NMI: variants seen among roughly 807,000 people sequenced by gnomAD.
NMI encodes the protein N-myc-interactor.
In NMI, 39 loss-of-function variants were observed where a neutral mutation model predicts 34.3. That is an observed-to-expected ratio of 1.14 (90% CI 0.88 to 1.49). NMI has a LOEUF of 1.49. Among genes scored for constraint, NMI ranks in the 40% most tolerant of loss-of-function variants. NMI has a pLI of 0.00. For missense variants in NMI, 339 were observed against 358.1 expected (o/e 0.95, Z 0.43); for synonymous variants, 113 against 120.3 (o/e 0.94, Z 0.40).
At chr2:151,277,352 A>AC (rs1288828064) in intron 4 of NMI, 1 of 152,032 alleles carries the variant, frequency 6.6e-6, no homozygotes, top group Non-Finnish European at 1.5e-5. Context: ...TCTTCCACAA[A>AC]CCCCCAACAT....
In NMI at chr2:151,281,906, C is replaced by A. The variant is rs77786046; in HGVS notation, c.177+42G>T. 5.1e-3 allele frequency: 4,871 copies of A among 946,590 alleles called. 185 individuals are homozygous for A. In the African/African-American group the frequency reaches 0.07, roughly 14 times the overall value. The allele number at this position is 946,590 out of a possible 1,614,324, so 58.6% of individuals were successfully genotyped here. A position where few individuals can be genotyped will look rare whatever the true frequency, so the allele number is the denominator to read the frequency against. ...TAAAATGCTTTTTCCAAAAACCATG[C>A]ATCCATCAAAAATGTAGTATATAAA... On this transcript the variant is annotated intron_variant, in intron 3 of 7. Coordinates refer to ENST00000243346, the MANE Select transcript of NMI (RefSeq NM_004688.3).
chr2:151,285,674 G>A (rs958347642), intron 1 of NMI, among the ~76,000 whole-genome samples: 4 of 151,656 alleles, frequency 2.6e-5, no homozygotes, highest in African/African-American at 7.3e-5. Flanking sequence ...CTGCTGAGAA[G>A]GCCTGGGAGA....
At position 151,275,480 on chromosome 2, in the gene NMI, G is replaced by T; in HGVS notation, c.634+4C>A. 1 of 1,612,610 alleles carries T rather than the reference G, an allele frequency of 6.2e-7. No homozygotes were observed. The highest frequency in any genetic ancestry group is 8.5e-7 in the Non-Finnish European group (1 of 1,179,384). ...GTCTGTTAACCTTCTACACCCTTGA[G>T]TACCTCCAATCTCCACAAACGTGAT... On this transcript the variant is annotated splice_donor_region_variant and intron_variant, in intron 6 of 7. Coordinates refer to ENST00000243346, the MANE Select transcript of NMI (RefSeq NM_004688.3).
intron 4 of NMI, chr2:151,277,843 C>G (rs1239669126): frequency 6.6e-6 from 1 of 152,208 alleles, no homozygotes; most frequent in Non-Finnish European, 1.5e-5. Context: ...GGAACACCAT[C>G]TGGTCCCTCA....
At chr2:151,280,713 C>T (rs1683383747) in intron 3 of NMI, among the ~76,000 whole-genome samples, 1 of 152,158 alleles carries the variant, frequency 6.6e-6, no homozygotes, top group South Asian at 2.1e-4. Context: ...GATTCTAGCT[C>T]CAGTCTGAGA....
At chr2:151,286,819 C>T (rs531341163) in intron 1 of NMI, among the ~76,000 whole-genome samples, 5 of 152,312 alleles carry the variant, frequency 3.3e-5, no homozygotes, top group African/African-American at 1.2e-4. Context: ...ATCCACACTT[C>T]CACATCTCCC....
intron 1 of NMI, among the ~76,000 whole-genome samples, chr2:151,283,710 G>A (rs1683447840): frequency 6.6e-6 from 1 of 152,106 alleles, no homozygotes; most frequent in African/African-American, 2.4e-5. Flanking sequence ...CTCTACGCAG[G>A]TGTTCTTACC....
chr2:151,274,257 T>C (rs1354356290), intron 6 of NMI, among the ~76,000 whole-genome samples: 1 of 136,962 alleles, frequency 7.3e-6, no homozygotes, highest in African/African-American at 2.8e-5. Context: ...GTGGGAGAAT[T>C]GCTTGAACCC....
chr2:151,272,604 C>A (rs1054016048), intron 6 of NMI, among the ~76,000 whole-genome samples: 1 of 152,142 alleles, frequency 6.6e-6, no homozygotes, highest in Admixed American at 6.5e-5. Flanking sequence ...AGCAGGGACT[C>A]GGACAGATAC....
rs748052534 is a variant in NMI, at chr2:151,278,981, C to G, written c.187G>C (p.Asp63His). 14 of 1,594,862 alleles carry G rather than the reference C, an allele frequency of 8.8e-6. No homozygotes were observed. In the South Asian group the frequency reaches 1.4e-4, roughly 16 times the overall value. Residue 63 changes from aspartate (D) to histidine (H), a missense_variant, in exon 4 of 8, where the codon GAT becomes CAT. Physicochemically the swap from Asp to His is moderately conservative, Grantham distance 81. Transcript: ENST00000243346. ...AATTTCATCTTTGTTTCAGGAATAT[C>G]CTCTTTAATCTAATCCAAATGAAAA... Reference protein sequence around the residue: ...EATKEFQIKEDIPETKMKFLS... With the variant: ...EATKEFQIKEHIPETKMKFLS...
At chr2:151,281,737 T>C (rs1200488933) in intron 3 of NMI, among the ~76,000 whole-genome samples, 7 of 152,224 alleles carry the variant, frequency 4.6e-5, no homozygotes, top group Non-Finnish European at 7.3e-5. Flanking sequence ...CTCATTGCTG[T>C]GTAGTTTTCT....
chr2:151,285,589 G>GAA (rs199606248), intron 1 of NMI, among the ~76,000 whole-genome samples: 74 of 102,006 alleles, frequency 7.3e-4, no homozygotes, highest in Middle Eastern at 0.01. Flanking sequence ...CTCCATCTCA[G>GAA]AAAAAAAAAA....
rs147636560 is a variant in NMI, at chr2:151,271,692, A to G, written c.675T>C (p.Tyr225=). 2.1e-5 allele frequency: 33 copies of G among 1,584,466 alleles called. 1 individual carries two copies. The Middle Eastern group carries it at 1.0e-3, about 48-fold the overall frequency. The part of the protein sequence containing the change: ...KILKKKEYPL[Y]INQTCHRVTV... ...TAACTCTATGGCAGGTTTGATTTAT[A>G]TAAAGAGGGTATTCTTTCTTTTTCA... is the stretch of plus-strand genomic sequence containing the variant. The change falls in exon 7 of 8, where the codon TAT becomes TAC. Residue 225 remains tyrosine (Y), a synonymous_variant. Transcript: ENST00000243346.
intron 3 of NMI, among the ~76,000 whole-genome samples, chr2:151,280,142 C>G (rs1292549460): frequency 1.4e-5 from 2 of 147,352 alleles, no homozygotes; most frequent in Non-Finnish European, 3.0e-5. Context: ...TTGTAGTGAA[C>G]CGAGATCGCA....
intron 4 of NMI, chr2:151,278,448 C>T (rs982554848): frequency 1.7e-5 from 3 of 173,252 alleles, no homozygotes; most frequent in South Asian, 1.3e-4. Context: ...AATAACTATC[C>T]TATCCTCCTA....
chr2:151,280,206 A>AAAAAAAAAAAT (rs1683363893), intron 3 of NMI, among the ~76,000 whole-genome samples: 1 of 151,832 alleles, frequency 6.6e-6, no homozygotes, highest in East Asian at 1.9e-4. Context: ...AAAAAAAAAA[A>AAAAAAAAAAAT]TTGTAACCTG....
intron 1 of NMI, among the ~76,000 whole-genome samples, chr2:151,286,659 A>G (rs1430455618): frequency 6.6e-6 from 1 of 152,206 alleles, no homozygotes; most frequent in Non-Finnish European, 1.5e-5. Flanking sequence ...TTCTGAATTC[A>G]TATCACAGAA....
intron 2 of NMI, 64 bp from the exon 3 acceptor site, chr2:151,282,107 C>A (rs2105209550): frequency 1.4e-6 from 1 of 723,346 alleles, no homozygotes; most frequent in Non-Finnish European, 2.4e-6. Context: ...TCCGAATGAA[C>A]TAAAGACTAT....
chr2:151,274,335 T>C (rs182290752), intron 6 of NMI, among the ~76,000 whole-genome samples: 58 of 70,512 alleles, frequency 8.2e-4, no homozygotes, highest in African/African-American at 2.9e-3. Flanking sequence ...AGAGCAAGAC[T>C]CTGTCTCACA....
Sources: allele counts gnomAD v4.1 joint callset (sites outside exome capture counted in the v4.1 genomes callset), GRCh38; gene constraint gnomAD v4.1.1; transcripts MANE v1.5; gene names NCBI Gene and HGNC (gene_info 2026-07-23, HGNC 2026-07-21).